Variants in NEK11 observed in about 807,000 individuals in gnomAD.
NEK11 encodes the protein NIMA related kinase 11.
Under a neutral mutation model 80.7 loss-of-function variants are expected in NEK11, and 72 were observed. The observed-to-expected ratio is 0.89, with a 90% CI of 0.74 to 1.08. NEK11 has a LOEUF of 1.08. NEK11 is among the 50% of genes least tolerant of loss of function. NEK11 has a pLI of 0.00. For missense variants in NEK11, 764 were observed against 763.6 expected (o/e 1.00, Z -0.01); for synonymous variants, 251 against 260.7 (o/e 0.96, Z 0.36).
intron 7 of NEK11, among the ~76,000 whole-genome samples, chr3:131,140,421 T>C (rs1455848202): frequency 6.6e-6 from 1 of 152,180 alleles, no homozygotes; most frequent in Non-Finnish European, 1.5e-5. Flanking sequence ...AGTGGATCCT[T>C]AAGCCTCAGT....
intron 14 of NEK11, among the ~76,000 whole-genome samples, chr3:131,223,930 A>C (rs1378505799): frequency 6.6e-6 from 1 of 152,180 alleles, no homozygotes; most frequent in Non-Finnish European, 1.5e-5. Context: ...AAAATAAATA[A>C]ATATTTTAAA....
intron 4 of NEK11, among the ~76,000 whole-genome samples, chr3:131,094,976 A>G (rs2077228600): frequency 1.3e-5 from 2 of 152,204 alleles, no homozygotes; most frequent in South Asian, 2.1e-4. Context: ...AGGAAGGACC[A>G]AGCAACTGTC....
intron 14 of NEK11, among the ~76,000 whole-genome samples, chr3:131,185,660 TA>T (rs1223256263): frequency 2.0e-5 from 3 of 152,336 alleles, no homozygotes; most frequent in African/African-American, 7.2e-5. Context: ...AGATGATTCA[TA>T]GATAGTGGTT....
At chr3:131,312,324 C>A (rs549526728) in intron 17 of NEK11, among the ~76,000 whole-genome samples, 2 of 152,078 alleles carry the variant, frequency 1.3e-5, no homozygotes, top group African/African-American at 4.8e-5. Flanking sequence ...TTAGATAACA[C>A]GTTAAGTGAT....
At chr3:131,204,733 T>C (rs755442388) in intron 14 of NEK11, among the ~76,000 whole-genome samples, 17 of 152,104 alleles carry the variant, frequency 1.1e-4, no homozygotes, top group Non-Finnish European at 1.5e-4. Context: ...TCCCTACTCA[T>C]TAAATAGGCC....
At chr3:131,101,855 A>G (rs2078412394) in intron 4 of NEK11, among the ~76,000 whole-genome samples, 2 of 152,174 alleles carry the variant, frequency 1.3e-5, no homozygotes, top group Non-Finnish European at 1.5e-5. Context: ...TGTTTGTCTA[A>G]GTCTTTTCAT....
At chr3:131,132,685 A>C in intron 5 of NEK11, 60 bp from the exon 6 acceptor site, 2 of 836,322 alleles carry the variant, frequency 2.4e-6, no homozygotes, top group Non-Finnish European at 3.9e-6. Flanking sequence ...TATTATTTAC[A>C]TGGGGATTTA....
chr3:131,307,670 A>G (rs1024387830), intron 17 of NEK11, among the ~76,000 whole-genome samples: 32 of 152,366 alleles, frequency 2.1e-4, no homozygotes, highest in African/African-American at 7.7e-4. Flanking sequence ...AAGGGAAAAC[A>G]TGATACAATT....
At chr3:131,321,891 G>T (rs1405994229) in intron 17 of NEK11, among the ~76,000 whole-genome samples, 1 of 152,130 alleles carries the variant, frequency 6.6e-6, no homozygotes, top group Non-Finnish European at 1.5e-5. Flanking sequence ...ACTGTTGGTG[G>T]GAATGTAAAT....
intron 17 of NEK11, among the ~76,000 whole-genome samples, chr3:131,322,816 G>T (rs911766605): frequency 2.0e-5 from 3 of 152,200 alleles, no homozygotes; most frequent in Admixed American, 6.6e-5. Context: ...CACTGATGAA[G>T]AGGCCCCCGC....
chr3:131,047,557 A>G (rs928209858), intron 3 of NEK11, among the ~76,000 whole-genome samples: 2 of 152,078 alleles, frequency 1.3e-5, no homozygotes, highest in Non-Finnish European at 2.9e-5. Context: ...TCTGGATCTA[A>G]CCACCCAGCA....
rs554793167 is a variant in NEK11 at position 131,216,083 on chromosome 3, G to A, written c.1400-12445G>A. 7.2e-5 allele frequency among the ~76,000 whole-genome samples: 11 copies of A among 152,206 alleles called. No homozygotes were observed. In the East Asian group the frequency reaches 2.1e-3, roughly 29 times the overall value. On this transcript the variant is annotated intron_variant, in intron 14 of 17. Coordinates refer to ENST00000383366, the MANE Select transcript of NEK11 (RefSeq NM_024800.5). Reference sequence around the variant, plus strand: ...CAAGTGGCTAGTGTCTACCATATTAGGTCAATTCTAAAAGAAGTGGTACTT... The same window carrying A: ...CAAGTGGCTAGTGTCTACCATATTAAGTCAATTCTAAAAGAAGTGGTACTT...
intron 4 of NEK11, among the ~76,000 whole-genome samples, chr3:131,108,533 C>A (rs2079555630): frequency 6.6e-6 from 1 of 152,064 alleles, no homozygotes; most frequent in African/African-American, 2.4e-5. Flanking sequence ...TGGATCAGGT[C>A]TAAGGGTTCT....
At chr3:131,064,645 G>A (rs1444858650) in intron 3 of NEK11, among the ~76,000 whole-genome samples, 1 of 152,120 alleles carries the variant, frequency 6.6e-6, no homozygotes, top group Non-Finnish European at 1.5e-5. Context: ...CAGTGTTGAT[G>A]GTTGCAGACC....
At chr3:131,336,419 A>T (rs1289174004) in intron 17 of NEK11, among the ~76,000 whole-genome samples, 1 of 152,194 alleles carries the variant, frequency 6.6e-6, no homozygotes, top group Non-Finnish European at 1.5e-5. Context: ...AGCCATATAT[A>T]GAAAGCCGAA....
intron 16 of NEK11, among the ~76,000 whole-genome samples, chr3:131,265,264 G>A (rs1452478745): frequency 2.0e-5 from 3 of 152,302 alleles, no homozygotes; most frequent in South Asian, 2.1e-4. Flanking sequence ...GAATAGGAGT[G>A]ATGAGAGAGG....
chr3:131,077,224 A>AGGAGG (rs1171180966), intron 3 of NEK11, among the ~76,000 whole-genome samples: 2 of 152,152 alleles, frequency 1.3e-5, no homozygotes, highest in African/African-American at 4.8e-5. Context: ...CATGTTATTT[A>AGGAGG]GGAGGGGTGA....
intron 16 of NEK11, among the ~76,000 whole-genome samples, chr3:131,253,792 A>G (rs1314073353): frequency 6.6e-6 from 1 of 152,112 alleles, no homozygotes; most frequent in Non-Finnish European, 1.5e-5. Context: ...CTTCAATGAA[A>G]CCATAATGCA....
chr3:131,315,777 G>C (rs531242146), intron 17 of NEK11, among the ~76,000 whole-genome samples: 1 of 151,876 alleles, frequency 6.6e-6, no homozygotes, highest in African/African-American at 2.4e-5. Context: ...TCATTATTCG[G>C]CTTCCACTTG....
Sources: gnomAD v4.1 joint callset for allele counts (sites outside exome capture counted in the v4.1 genomes callset) on GRCh38, gnomAD v4.1.1 for gene constraint, MANE v1.5 for transcripts, NCBI Gene and HGNC (gene_info 2026-07-23, HGNC 2026-07-21) for gene names.